The following IPP variants were observed in gnomAD, a reference collection of about 807,000 sequenced individuals.
IPP encodes the protein intracisternal A particle-promoted polypeptide.
In IPP, 41 loss-of-function variants were observed where a neutral mutation model predicts 64.1. That is an observed-to-expected ratio of 0.64 (90% CI 0.50 to 0.83). The LOEUF (loss-of-function observed/expected upper bound fraction) is 0.83. Among genes scored for constraint, IPP ranks in the 40% least tolerant of loss-of-function variants. The pLI, the probability that IPP is intolerant of heterozygous loss-of-function variation, is 0.00. For synonymous variants in IPP, 214 were observed against 235.2 expected (o/e 0.91, Z 0.83); for missense variants, 649 against 703.0 (o/e 0.92, Z 0.87).
intron 8 of IPP, among the ~76,000 whole-genome samples, chr1:45,703,558 T>A (rs1385328286): frequency 1.3e-5 from 2 of 151,754 alleles, no homozygotes; most frequent in Non-Finnish European, 2.9e-5. Flanking sequence ...TTTGAGAGAC[T>A]TGACATAAAG....
chr1:45,731,766 C>T (rs766027646), intron 3 of IPP, among the ~76,000 whole-genome samples: 3 of 152,008 alleles, frequency 2.0e-5, no homozygotes, highest in Non-Finnish European at 4.4e-5. Context: ...GAAACCCTAT[C>T]TCTACTAAAA....
At chr1:45,727,051 C>T (rs1369400013) in intron 5 of IPP, among the ~76,000 whole-genome samples, 6 of 151,370 alleles carry the variant, frequency 4.0e-5, no homozygotes, top group Non-Finnish European at 5.9e-5. Flanking sequence ...CTATAAACAA[C>T]TTTTCTTTTC....
chr1:45,735,796 C>CCACACCAGGCCACCACACCAGGCCAT (rs1553192885), intron 3 of IPP, among the ~76,000 whole-genome samples: 1 of 151,490 alleles, frequency 6.6e-6, no homozygotes, highest in African/African-American at 2.4e-5. Flanking sequence ...CACCAGGCCA[C>CCACACCAGGCCACCACACCAGGCCAT]GCCTGGCTAA....
intron 5 of IPP, among the ~76,000 whole-genome samples, chr1:45,725,461 A>C (rs1440277755): frequency 1.6e-5 from 2 of 127,078 alleles, no homozygotes; most frequent in African/African-American, 6.1e-5. Context: ...TCCGGGAGGG[A>C]GGTGGGGGTG....
In IPP at chr1:45,747,080, T is replaced by TA. The variant is rs1646143907; in HGVS notation, c.-50-620dup. ...CACAGGTCTACCTTATCAAATACCC[T>TA]ACCACCCTACTCTTAGTGCGCGCAT... is the stretch of plus-strand genomic sequence containing the variant. On this transcript the variant is annotated intron_variant, in intron 1 of 8. Coordinates refer to ENST00000396478, the MANE Select transcript of IPP (RefSeq NM_005897.3). Among the ~76,000 whole-genome samples, 2 of 151,914 alleles carry TA rather than the reference T, an allele frequency of 1.3e-5. 1 individual carries two copies. The highest frequency in any genetic ancestry group is 4.2e-4 in the South Asian group (2 of 4,818).
intron 5 of IPP, among the ~76,000 whole-genome samples, chr1:45,724,372 C>A (rs1222352846): frequency 6.6e-6 from 1 of 151,728 alleles, no homozygotes; most frequent in African/African-American, 2.4e-5. Context: ...CCCAAAGAGC[C>A]GAGATTGCAG....
chr1:45,741,470 A>T (rs1646065093), intron 2 of IPP, 138 bp from the exon 3 acceptor site: 4 of 615,908 alleles, frequency 6.5e-6, no homozygotes, highest in Non-Finnish European at 1.1e-5. Context: ...GCAATCAAGG[A>T]TTTGAGTAAA....
intron 3 of IPP, among the ~76,000 whole-genome samples, chr1:45,734,276 A>G (rs1460604333): frequency 1.3e-5 from 2 of 152,170 alleles, no homozygotes; most frequent in Non-Finnish European, 2.9e-5. Context: ...TTAATTCTAC[A>G]TGAACCTTTT....
Position 45,699,617 on chromosome 1 carries a change from T to C in IPP, c.*349A>G, listed in dbSNP as rs1645421083. ...TGAGCTCTTTATTAATTGGGATATATTCCATATCCATTCTCACTCATATTT... is the reference window on the plus strand; with the variant it reads ...TGAGCTCTTTATTAATTGGGATATACTCCATATCCATTCTCACTCATATTT... On this transcript the variant is annotated 3_prime_UTR_variant, in exon 9 of 9. Coordinates refer to ENST00000396478, the MANE Select transcript of IPP (RefSeq NM_005897.3). 9.8e-7 allele frequency: 1 copy of C among 1,024,248 alleles called. No homozygotes were observed. The highest frequency in any genetic ancestry group is 1.2e-6 in the Non-Finnish European group (1 of 850,946). The allele number at this position is 1,024,248 out of a possible 1,614,324, so 63.4% of individuals were successfully genotyped here. A position where few individuals can be genotyped will look rare whatever the true frequency, so the allele number is the denominator to read the frequency against.
chr1:45,732,721 C>T (rs537182117), intron 3 of IPP, among the ~76,000 whole-genome samples: 4 of 151,996 alleles, frequency 2.6e-5, no homozygotes, highest in African/African-American at 7.2e-5. Context: ...GGCTGGAGTG[C>T]AGTGGTGCGA....
chr1:45,712,298 T>TAAAAA (rs71058702), intron 8 of IPP, among the ~76,000 whole-genome samples: 2 of 131,332 alleles, frequency 1.5e-5, no homozygotes, highest in Non-Finnish European at 3.2e-5. Flanking sequence ...AGACGACGTC[T>TAAAAA]AAAAAAAAAA....
At chr1:45,724,452 G>A (rs543165933) in intron 5 of IPP, among the ~76,000 whole-genome samples, 1 of 150,990 alleles carries the variant, frequency 6.6e-6, no homozygotes, top group African/African-American at 2.4e-5. Context: ...CGTCTGGGAT[G>A]TGAGGAGCCC....
intron 5 of IPP, among the ~76,000 whole-genome samples, chr1:45,724,093 T>C (rs1468630733): frequency 6.9e-6 from 1 of 145,512 alleles, no homozygotes; most frequent in Non-Finnish European, 1.5e-5. Context: ...CTGATTCTCC[T>C]GCCTCAGCCT....
downstream of IPP, chr1:45,694,763 T>C (rs1645372593): frequency 2.8e-6 from 1 of 355,834 alleles, no homozygotes; most frequent in Non-Finnish European, 5.1e-6. Flanking sequence ...AAACACATAA[T>C]AGCTGGTCAA....
intron 4 of IPP, among the ~76,000 whole-genome samples, chr1:45,728,168 G>A (rs1436347373): frequency 4.0e-5 from 6 of 149,110 alleles, no homozygotes; most frequent in Admixed American, 4.0e-4. Flanking sequence ...GTGTGTGTGT[G>A]TGTGTTTGAG....
intron 3 of IPP, among the ~76,000 whole-genome samples, chr1:45,738,439 A>T (rs1646008773): frequency 6.6e-6 from 1 of 152,104 alleles, no homozygotes; most frequent in African/African-American, 2.4e-5. Context: ...TTACAGAGAA[A>T]ATACCTATGT....
chr1:45,705,721 A>G (rs28528139), intron 8 of IPP, among the ~76,000 whole-genome samples: 43,542 of 151,886 alleles, frequency 0.29, 6,378 homozygotes, highest in South Asian at 0.37. Context: ...CACAAGAATC[A>G]CTCGAACCCA....
chr1:45,719,177 A>G (rs199741535), intron 6 of IPP, 26 bp downstream of exon 6: 3 of 1,610,904 alleles, frequency 1.9e-6, no homozygotes, highest in African/African-American at 1.3e-5. Context: ...AATATTAGCT[A>G]TCTTTAAACT....
intron 3 of IPP, among the ~76,000 whole-genome samples, chr1:45,739,176 G>A (rs1013377614): frequency 6.6e-6 from 1 of 152,148 alleles, no homozygotes; most frequent in African/African-American, 2.4e-5. Flanking sequence ...GCTTAGTAGT[G>A]TATTTAACTT....
Sources: allele counts gnomAD v4.1 joint callset (sites outside exome capture counted in the v4.1 genomes callset), GRCh38; gene constraint gnomAD v4.1.1; transcripts MANE v1.5; gene names NCBI Gene and HGNC (gene_info 2026-07-23, HGNC 2026-07-21).